Variants in TTC3 observed in about 807,000 individuals in gnomAD.
TTC3 encodes tetratricopeptide repeat domain 3, also known as E3 ubiquitin-protein ligase TTC3.
Under a neutral mutation model 249.6 loss-of-function variants are expected in TTC3, and 180 were observed. That is an observed-to-expected ratio of 0.72 (90% CI 0.64 to 0.82). The LOEUF (loss-of-function observed/expected upper bound fraction) is 0.82. TTC3 is among the 40% of genes least tolerant of loss of function. The pLI is 0.00. For synonymous variants in TTC3, 717 were observed against 805.0 expected (o/e 0.89, Z 1.85); for missense variants, 2,061 against 2,398.4 (o/e 0.86, Z 2.94).
chr21:37,121,939 G>A, exon 12 of TTC3: 1 of 1,611,774 alleles, frequency 6.2e-7, no homozygotes, highest in Non-Finnish European at 8.5e-7. Context: ...ATCTAATTCA[G>A]CAGCATGTAA....
At chr21:37,161,128 C>G (rs1052358798) in intron 30 of TTC3, among the ~76,000 whole-genome samples, 1 of 150,546 alleles carries the variant, frequency 6.6e-6, no homozygotes, top group African/African-American at 2.4e-5. Flanking sequence ...GTCATAATGT[C>G]CCAAAAAATA....
At chr21:37,172,642 A>C in exon 35 of TTC3, 1 of 1,613,890 alleles carries the variant, frequency 6.2e-7, no homozygotes, top group East Asian at 2.2e-5. Context: ...TACAAGACCA[A>C]CTTCAAGAAG....
intron 36 of TTC3, among the ~76,000 whole-genome samples, chr21:37,184,477 A>G (rs193062388): frequency 6.6e-6 from 1 of 151,764 alleles, no homozygotes; most frequent in African/African-American, 2.4e-5. Context: ...TTTTTGAGAC[A>G]GAGTTTTGCT....
intron 1 of TTC3, chr21:37,087,025 G>A: frequency 3.8e-6 from 2 of 526,648 alleles, no homozygotes; most frequent in Non-Finnish European, 3.4e-6. Flanking sequence ...TGGTGAATAT[G>A]TGAACCTGAG....
chr21:37,075,185 G>A (rs957944767), intron 1 of TTC3, among the ~76,000 whole-genome samples: 8 of 130,840 alleles, frequency 6.1e-5, no homozygotes, highest in African/African-American at 1.1e-4. Context: ...TTTTTGCTCA[G>A]CATCATATTT....
chr21:37,185,671 AAATT>A (rs1266459035), intron 36 of TTC3, 31 bp from the exon 37 acceptor site: 4 of 1,438,098 alleles, frequency 2.8e-6, no homozygotes, highest in Non-Finnish European at 1.9e-6. Flanking sequence ...AAATTTTTCA[AAATT>A]AATTAATATT....
chr21:37,159,881 C>T (rs1214314456), intron 29 of TTC3, 136 bp downstream of exon 29: 14 of 629,750 alleles, frequency 2.2e-5, no homozygotes, highest in South Asian at 1.1e-4. Flanking sequence ...CTGGGTAGTA[C>T]GTACTATTAT....
intron 11 of TTC3, among the ~76,000 whole-genome samples, chr21:37,116,185 T>C (rs1196198424): frequency 6.6e-6 from 1 of 152,218 alleles, no homozygotes; most frequent in Non-Finnish European, 1.5e-5. Context: ...ACTTAGTGAT[T>C]GAATGAATCA....
At chr21:37,198,478 TGA>T (rs1480938480) in intron 44 of TTC3, among the ~76,000 whole-genome samples, 1 of 152,172 alleles carries the variant, frequency 6.6e-6, no homozygotes, top group East Asian at 1.9e-4. Context: ...AGATAGACCG[TGA>T]TTGCCTGGAG....
chr21:37,190,541 G>C (rs58905476), intron 39 of TTC3, among the ~76,000 whole-genome samples: 11,981 of 152,182 alleles, frequency 0.079, 1,242 homozygotes, highest in African/African-American at 0.22. Context: ...TTGAGACCAA[G>C]TGGTAGTCAA....
intron 12 of TTC3, 117 bp from the exon 13 acceptor site, chr21:37,122,866 T>C (rs2076733922): frequency 1.0e-6 from 1 of 997,886 alleles, no homozygotes; most frequent in Non-Finnish European, 1.4e-6. Flanking sequence ...GATTTACTTT[T>C]CAGTTTTCTA....
chr21:37,079,676 C>T (rs192342497), intron 1 of TTC3, among the ~76,000 whole-genome samples: 137 of 151,690 alleles, frequency 9.0e-4, no homozygotes, highest in Non-Finnish European at 1.5e-3. Flanking sequence ...GGATTACAGC[C>T]GTGCGCCACC....
At chr21:37,090,715 G>C in intron 6 of TTC3, 1 of 193,740 alleles carries the variant, frequency 5.2e-6, no homozygotes, top group Non-Finnish European at 9.4e-6. Flanking sequence ...TTTAATTTTT[G>C]AAGTTACTTT....
chr21:37,105,747 A>G (rs558408376), intron 10 of TTC3, among the ~76,000 whole-genome samples: 30 of 152,282 alleles, frequency 2.0e-4, no homozygotes, highest in African/African-American at 7.0e-4. Flanking sequence ...ATGAAATAAT[A>G]TACTATGTGT....
intron 29 of TTC3, among the ~76,000 whole-genome samples, 194 bp from the exon 30 acceptor site, chr21:37,160,608 A>AG (rs5843800): frequency 1 from 152,376 of 152,384 alleles, 76,184 homozygotes; most frequent in Middle Eastern, 1. Flanking sequence ...AGTATACATT[A>AG]GTATTATTAA....
intron 35 of TTC3, among the ~76,000 whole-genome samples, chr21:37,176,987 CCA>C (rs2148129267): frequency 6.6e-6 from 1 of 152,302 alleles, no homozygotes; most frequent in Admixed American, 6.5e-5. Context: ...CCACAAAACC[CCA>C]GTGACACATG....
intron 13 of TTC3, among the ~76,000 whole-genome samples, 188 bp downstream of exon 13, chr21:37,123,216 G>A (rs183623601): frequency 2.0e-5 from 3 of 152,246 alleles, no homozygotes; most frequent in African/African-American, 4.8e-5. Flanking sequence ...GATTTATTTC[G>A]CTGTTTTAGT....
chr21:37,119,255 G>A (rs1326729689), intron 11 of TTC3, among the ~76,000 whole-genome samples: 3 of 151,972 alleles, frequency 2.0e-5, no homozygotes, highest in Non-Finnish European at 4.4e-5. Flanking sequence ...TTAATCTAGG[G>A]CTAATTTTTT....
chr21:37,189,956 G>C (rs952506624), intron 39 of TTC3, among the ~76,000 whole-genome samples: 2 of 151,766 alleles, frequency 1.3e-5, no homozygotes. Flanking sequence ...TCTCTATGTG[G>C]GATTACTTTT....
Sources: gnomAD v4.1 joint callset for allele counts (sites outside exome capture counted in the v4.1 genomes callset) on GRCh38, gnomAD v4.1.1 for gene constraint, MANE v1.5 for transcripts, NCBI Gene and HGNC (gene_info 2026-07-23, HGNC 2026-07-21) for gene names.